RBBP5: variants seen among roughly 807,000 people sequenced by gnomAD.
RBBP5 encodes the protein retinoblastoma-binding protein 5.
Under a neutral mutation model 72.2 loss-of-function variants are expected in RBBP5, and 5 were observed. The ratio of observed to expected loss-of-function variants is 0.07; its 90% CI spans 0.04 to 0.15. RBBP5 has a LOEUF of 0.15. Among genes scored for constraint, RBBP5 ranks in the 10% least tolerant of loss-of-function variants. RBBP5 has a pLI of 1.00. For synonymous variants in RBBP5, 209 were observed against 237.2 expected, an observed-to-expected ratio of 0.88 and a Z score of 1.09; for missense variants, 322 against 652.2, an observed-to-expected ratio of 0.49 and a Z score of 5.51.
chr1:205,096,949 G>C (rs201398145), intron 11 of RBBP5, 38 bp from the exon 12 acceptor site: 2 of 1,524,660 alleles, frequency 1.3e-6, no homozygotes, highest in East Asian at 2.3e-5. Context: ...TTGGAAAAAA[G>C]AGGAGATAGT....
chr1:205,120,908 G>A (rs1462719912), intron 1 of RBBP5, among the ~76,000 whole-genome samples: 2 of 152,082 alleles, frequency 1.3e-5, no homozygotes, highest in Admixed American at 1.3e-4. Context: ...CTTAGCAACT[G>A]GTAATGACTC....
At chr1:205,090,678 A>G (rs10494859) in intron 13 of RBBP5, among the ~76,000 whole-genome samples, 5,026 of 152,292 alleles carry the variant, frequency 0.033, 237 homozygotes, top group African/African-American at 0.1. Flanking sequence ...AGGAAAATTC[A>G]GCTCAAAATG....
intron 13 of RBBP5, among the ~76,000 whole-genome samples, chr1:205,089,273 T>C (rs1655245050): frequency 6.6e-6 from 1 of 152,234 alleles, no homozygotes; most frequent in Non-Finnish European, 1.5e-5. Context: ...CACAGTTCCT[T>C]AAGTGACATA....
chr1:205,117,197 G>A (rs1656560239), intron 1 of RBBP5, among the ~76,000 whole-genome samples: 1 of 151,992 alleles, frequency 6.6e-6, no homozygotes, highest in Non-Finnish European at 1.5e-5. Context: ...TGGGATTACA[G>A]GCATGTGGCA....
intron 13 of RBBP5, among the ~76,000 whole-genome samples, chr1:205,089,873 C>CA (rs1553351511): frequency 2.0e-5 from 3 of 152,132 alleles, no homozygotes; most frequent in South Asian, 4.1e-4. Context: ...TTTTTTTAGA[C>CA]AGAGTTTCAC....
intron 3 of RBBP5, among the ~76,000 whole-genome samples, chr1:205,105,377 G>A (rs747435633): frequency 2.6e-5 from 4 of 152,096 alleles, no homozygotes; most frequent in Non-Finnish European, 5.9e-5. Flanking sequence ...AGTAATGGAA[G>A]CTCATAATAT....
In RBBP5 at chr1:205,088,077, T is replaced by C. The variant is rs528194084; in HGVS notation, c.*710A>G. Reference sequence around the variant, plus strand: ...CTGGAGATGGATAAAACTAGCTATCTTCAAAAACCATGATTGATGACAATG... The same window carrying C: ...CTGGAGATGGATAAAACTAGCTATCCTCAAAAACCATGATTGATGACAATG... On this transcript the variant is annotated 3_prime_UTR_variant, in exon 14 of 14. Coordinates refer to ENST00000264515, the MANE Select transcript of RBBP5 (RefSeq NM_005057.4). 6.6e-6 allele frequency: 1 copy of C among 152,302 alleles called. No homozygotes were observed. The highest frequency in any genetic ancestry group is 2.4e-5 in the African/African-American group (1 of 41,554). The allele number at this position is 152,302 out of a possible 1,614,324, so 9.4% of individuals were successfully genotyped here. A position where few individuals can be genotyped will look rare whatever the true frequency, so the allele number is the denominator to read the frequency against.
intron 5 of RBBP5, among the ~76,000 whole-genome samples, chr1:205,103,211 G>A (rs1357883131): frequency 4.3e-5 from 5 of 115,508 alleles, no homozygotes; most frequent in Non-Finnish European, 8.4e-5. Flanking sequence ...GCAACAGAGT[G>A]AGACTCCATC....
chr1:205,093,277 T>C (rs1197673856), intron 13 of RBBP5, among the ~76,000 whole-genome samples: 1 of 150,286 alleles, frequency 6.7e-6, no homozygotes, highest in Non-Finnish European at 1.5e-5. Context: ...CTGACCAACA[T>C]AGTGAAACCC....
rs1169591453 is a variant in RBBP5, at chr1:205,086,763, G to C, written c.*2024C>G. The stretch of plus-strand genomic sequence containing the variant: ...GATTTTCTCAGTAGCCAGTTTAGGA[G>C]GTGGACATAGCACAAACATCCAAAT... On this transcript the variant is annotated 3_prime_UTR_variant, in exon 14 of 14. Coordinates refer to ENST00000264515, the MANE Select transcript of RBBP5 (RefSeq NM_005057.4). 1 of 152,144 alleles carries C rather than the reference G, an allele frequency of 6.6e-6. No homozygotes were observed. Among genetic ancestry groups the C allele is most frequent in the Non-Finnish European group, 1.5e-5 (1 of 68,034 alleles). 9.4% of individuals were successfully genotyped at this position (152,144 alleles called of 1,614,324 possible). A position where few individuals can be genotyped will look rare whatever the true frequency, so the allele number is the denominator to read the frequency against.
Position 205,103,933 on chromosome 1 carries a change from T to C in RBBP5, c.446A>G (p.Asp149Gly), listed in dbSNP as rs772994708. 1 of 1,614,044 alleles carries C rather than the reference T, an allele frequency of 6.2e-7. No individual in the cohort carries two copies. Among genetic ancestry groups the C allele is most frequent in the African/African-American group, 1.3e-5 (1 of 74,914 alleles). Residue 149 changes from aspartate to glycine, a missense_variant, in exon 5 of 14, where the codon GAT becomes GGT. Coordinates refer to ENST00000264515, the MANE Select transcript of RBBP5 (RefSeq NM_005057.4). ...DSKHVVLPVD[D>G]DSDLNVVASF... Reference sequence around the variant, plus strand: ...TGCCACAACGTTCAAATCGGAGTCATCGTCCACCGGCAGAACAACATGTTT... The same window carrying C: ...TGCCACAACGTTCAAATCGGAGTCACCGTCCACCGGCAGAACAACATGTTT...
chr1:205,119,131 A>G (rs892378331), intron 1 of RBBP5, among the ~76,000 whole-genome samples: 3 of 152,068 alleles, frequency 2.0e-5, no homozygotes, highest in Non-Finnish European at 4.4e-5. Context: ...AGTGGCTCAC[A>G]CCTGTAATCC....
intron 3 of RBBP5, among the ~76,000 whole-genome samples, chr1:205,112,972 A>T (rs1656375962): frequency 6.6e-6 from 1 of 152,118 alleles, no homozygotes; most frequent in African/African-American, 2.4e-5. Flanking sequence ...AAAATTTTTT[A>T]AAATTAGCCA....
At chr1:205,106,705 G>C (rs762512113) in intron 3 of RBBP5, among the ~76,000 whole-genome samples, 1 of 152,040 alleles carries the variant, frequency 6.6e-6, no homozygotes, top group Non-Finnish European at 1.5e-5. Flanking sequence ...ATCTCAACTC[G>C]AATAAGAAAA....
intron 1 of RBBP5, among the ~76,000 whole-genome samples, chr1:205,118,161 G>A (rs1448627684): frequency 6.6e-6 from 1 of 151,998 alleles, no homozygotes; most frequent in East Asian, 1.9e-4. Flanking sequence ...ATTTATTGTG[G>A]TTCCCTATTA....
chr1:205,110,334 C>A (rs1011548862), intron 3 of RBBP5, among the ~76,000 whole-genome samples: 1 of 152,008 alleles, frequency 6.6e-6, no homozygotes, highest in Non-Finnish European at 1.5e-5. Context: ...CCTACCAGTT[C>A]TGCTTCTACA....
intron 2 of RBBP5, among the ~76,000 whole-genome samples, chr1:205,115,302 G>T (rs1449521560): frequency 6.6e-6 from 1 of 151,740 alleles, no homozygotes; most frequent in Non-Finnish European, 1.5e-5. Flanking sequence ...TTTATTCCAA[G>T]AATTTAAAAC....
chr1:205,097,919 A>C (rs1040402173), intron 10 of RBBP5, among the ~76,000 whole-genome samples: 1 of 151,724 alleles, frequency 6.6e-6, no homozygotes, highest in African/African-American at 2.4e-5. Context: ...GGGGGTCAAT[A>C]ATCTGTGGCA....
intron 1 of RBBP5, 110 bp downstream of exon 1, chr1:205,121,745 T>C: frequency 1.3e-6 from 2 of 1,538,324 alleles, no homozygotes; most frequent in Non-Finnish European, 1.8e-6. Context: ...TGCCCAGTGA[T>C]CCATAGCCGA....
Sources: gnomAD v4.1 joint callset for allele counts (sites outside exome capture counted in the v4.1 genomes callset) on GRCh38, gnomAD v4.1.1 for gene constraint, MANE v1.5 for transcripts, NCBI Gene and HGNC (gene_info 2026-07-23, HGNC 2026-07-21) for gene names.